Variants in ZNF431 observed in about 807,000 individuals in gnomAD.
The protein encoded by ZNF431 is zinc finger protein 431.
ZNF431 carries 34 observed loss-of-function variants against 57.0 expected under a neutral mutation model. That is an observed-to-expected ratio of 0.60 (90% CI 0.45 to 0.79). The LOEUF (loss-of-function observed/expected upper bound fraction) is 0.79. Among genes scored for constraint, ZNF431 ranks in the 30% least tolerant of loss-of-function variants. The pLI, the probability that ZNF431 is intolerant of heterozygous loss-of-function variation, is 0.00. For synonymous variants in ZNF431, 207 were observed against 220.3 expected (o/e 0.94, Z 0.54); for missense variants, 607 against 667.1 (o/e 0.91, Z 0.99).
chr19:21,167,779 A>G, intron 4 of ZNF431, 113 bp downstream of exon 4: 1 of 576,506 alleles, frequency 1.7e-6, no homozygotes, highest in Non-Finnish European at 2.7e-6. Flanking sequence ...TAAAGCATGT[A>G]GTTTCTGGGA....
At position 21,171,467 on chromosome 19, in the gene ZNF431, A is replaced by G. The variant is rs1970887457; in HGVS notation, c.319+3801A>G. Among the ~76,000 whole-genome samples, 4 of 152,090 alleles carry G rather than the reference A, an allele frequency of 2.6e-5. No individual in the cohort carries two copies. In the South Asian group the frequency reaches 8.3e-4, roughly 32 times the overall value. On this transcript the variant is annotated intron_variant, in intron 4 of 4. Coordinates refer to ENST00000311048, the MANE Select transcript of ZNF431 (RefSeq NM_133473.4). The stretch of plus-strand genomic sequence containing the variant: ...TTAGCCAATTTGCAATTCTGTTTGT[A>G]TACTTTAAGTCAATGTGAGGTGTAA...
rs1971287962 is a variant in ZNF431 at position 21,183,852 on chromosome 19, T to G, written c.1549T>G (p.Cys517Gly). ...TGEKSYKCEE[C>G]GKAFNQSSTL... ...AGAGAAATCTTACAAATGTGAAGAA[T>G]GTGGTAAAGCCTTTAACCAATCCTC... The change falls in exon 5 of 5, where the codon TGT becomes GGT. Residue 517 changes from cysteine (C) to glycine (G), a missense_variant. Coordinates refer to ENST00000311048, the MANE Select transcript of ZNF431 (RefSeq NM_133473.4). 1 of 1,613,822 alleles carries G rather than the reference T, an allele frequency of 6.2e-7. No homozygotes were observed. Among genetic ancestry groups the G allele is most frequent in the African/African-American group, 1.3e-5 (1 of 74,918 alleles).
chr19:21,143,147 C>T (rs946279429), intron 1 of ZNF431, among the ~76,000 whole-genome samples: 2 of 152,038 alleles, frequency 1.3e-5, no homozygotes, highest in Admixed American at 6.5e-5. Flanking sequence ...ACGTTATCGC[C>T]TATTTGTCTT....
At chr19:21,144,547 G>GA (rs1224319658) in intron 2 of ZNF431, among the ~76,000 whole-genome samples, 4 of 151,594 alleles carry the variant, frequency 2.6e-5, no homozygotes, top group African/African-American at 9.7e-5. Context: ...GTGGGTTTTA[G>GA]AAAAAAAATT....
Position 21,183,477 on chromosome 19 carries a change from A to G in ZNF431, c.1174A>G (p.Arg392Gly). The G allele has an allele frequency of 6.2e-7, 1 of 1,613,878 alleles. No individual in the cohort carries two copies. The highest frequency in any genetic ancestry group is 8.5e-7 in the Non-Finnish European group (1 of 1,179,958). The stretch of plus-strand genomic sequence containing the variant: ...GTCCTCAACCCTTACTAAACATAAA[A>G]GAATTCATACTGGAGAGAAACCCTA... The part of the protein sequence containing the change: ...NWSSTLTKHK[R>G]IHTGEKPYKC... Residue 392 changes from arginine (R) to glycine (G), a missense_variant, in exon 5 of 5, where the codon AGA (arginine) becomes GGA (glycine). Physicochemically the swap from Arg to Gly is moderately radical, Grantham distance 125 (BLOSUM62 -2). Coordinates refer to ENST00000311048, the MANE Select transcript of ZNF431 (RefSeq NM_133473.4).
Position 21,193,314 on chromosome 19 carries a change from A to T in ZNF431, c.*9280A>T, listed in dbSNP as rs1971543387. Reference sequence around the variant, plus strand: ...AAGGCCGAGGTGGGCGGGTCACCTGAGGTCGGGAGTTTGAGACCAGCCTGC... The same window carrying T: ...AAGGCCGAGGTGGGCGGGTCACCTGTGGTCGGGAGTTTGAGACCAGCCTGC... On this transcript the variant is annotated 3_prime_UTR_variant, in exon 5 of 5. Coordinates refer to ENST00000311048, the MANE Select transcript of ZNF431 (RefSeq NM_133473.4). The T allele has an allele frequency of 6.6e-6, 1 of 152,230 alleles. No homozygotes were observed. Among genetic ancestry groups the T allele is most frequent in the East Asian group, 1.9e-4 (1 of 5,182 alleles). 9.4% of individuals were successfully genotyped at this position (152,230 alleles called of 1,614,324 possible).
At chr19:21,163,611 C>T (rs1331971817) in intron 2 of ZNF431, among the ~76,000 whole-genome samples, 2 of 152,064 alleles carry the variant, frequency 1.3e-5, no homozygotes, top group African/African-American at 4.8e-5. Flanking sequence ...AACCTCTGCC[C>T]TCTGGGTTTA....
At chr19:21,161,405 C>G (rs1970561666) in intron 2 of ZNF431, among the ~76,000 whole-genome samples, 1 of 152,000 alleles carries the variant, frequency 6.6e-6, no homozygotes, top group African/African-American at 2.4e-5. Flanking sequence ...ATTCGTGTTT[C>G]TTTTACCTTG....
At chr19:21,148,470 A>G (rs1238952904) in intron 2 of ZNF431, among the ~76,000 whole-genome samples, 1 of 152,198 alleles carries the variant, frequency 6.6e-6, no homozygotes, top group East Asian at 1.9e-4. Context: ...AATAATACCT[A>G]TTTAACTTTA....
chr19:21,194,951 T>C lies in ZNF431; in HGVS notation c.*10917T>C, dbSNP rs1197716257. The C allele has an allele frequency of 6.6e-6, 1 of 152,224 alleles. No individual in the cohort carries two copies. The highest frequency in any genetic ancestry group is 1.5e-5 in the Non-Finnish European group (1 of 68,056). The allele number at this position is 152,224 out of a possible 1,614,324, so 9.4% of individuals were successfully genotyped here. A position where few individuals can be genotyped will look rare whatever the true frequency, so the allele number is the denominator to read the frequency against. Reference sequence around the variant, plus strand: ...AGCAGAGTTATCAGGGAGGTGGGACTATTGCTTTATGAACGTGATGATTGG... The same window carrying C: ...AGCAGAGTTATCAGGGAGGTGGGACCATTGCTTTATGAACGTGATGATTGG... On this transcript the variant is annotated 3_prime_UTR_variant, in exon 5 of 5. Coordinates refer to ENST00000311048, the MANE Select transcript of ZNF431 (RefSeq NM_133473.4).
intron 2 of ZNF431, among the ~76,000 whole-genome samples, chr19:21,148,615 A>G (rs1970175751): frequency 6.6e-6 from 1 of 152,216 alleles, no homozygotes; most frequent in Non-Finnish European, 1.5e-5. Context: ...AAAAAAATCC[A>G]CATTTCCATG....
chr19:21,179,785 C>T (rs1470642500), intron 4 of ZNF431, among the ~76,000 whole-genome samples: 1 of 150,900 alleles, frequency 6.6e-6, no homozygotes, highest in Non-Finnish European at 1.5e-5. Context: ...GTCTCGAACT[C>T]CCGACCTCAG....
intron 2 of ZNF431, among the ~76,000 whole-genome samples, chr19:21,146,221 T>A (rs1186887275): frequency 6.6e-6 from 1 of 151,718 alleles, no homozygotes; most frequent in Admixed American, 6.6e-5. Flanking sequence ...ACCAGCCTGA[T>A]CAACATGGTG....
In ZNF431 at chr19:21,192,359, G is replaced by C. The variant is rs527698988; in HGVS notation, c.*8325G>C. ...AATTTTTTTATTTCTATAGAGATGG[G>C]GTTTCCCTACGTTGGCCAGACTGGT... On this transcript the variant is annotated 3_prime_UTR_variant, in exon 5 of 5. Coordinates refer to ENST00000311048, the MANE Select transcript of ZNF431 (RefSeq NM_133473.4). 9.9e-5 allele frequency: 15 copies of C among 151,834 alleles called. No homozygotes were observed. The highest frequency in any genetic ancestry group is 3.6e-4 in the African/African-American group (15 of 41,320). The allele number at this position is 151,834 out of a possible 1,614,324, so 9.4% of individuals were successfully genotyped here.
intron 4 of ZNF431, among the ~76,000 whole-genome samples, chr19:21,176,896 C>T (rs1971069413): frequency 6.6e-6 from 1 of 152,020 alleles, no homozygotes; most frequent in Non-Finnish European, 1.5e-5. Flanking sequence ...GGGGTTTCAC[C>T]ATCTTAGCCA....
chr19:21,166,184 T>G, intron 2 of ZNF431, 151 bp from the exon 3 acceptor site: 1 of 1,255,808 alleles, frequency 8.0e-7, no homozygotes, highest in Non-Finnish European at 1.1e-6. Flanking sequence ...TAGAAAATAT[T>G]TCTGTGTTAA....
At chr19:21,155,133 C>G (rs895198138) in intron 2 of ZNF431, among the ~76,000 whole-genome samples, 19 of 152,256 alleles carry the variant, frequency 1.2e-4, no homozygotes, top group African/African-American at 4.6e-4. Context: ...AGATTTTCTT[C>G]TAGGGTTTTT....
In ZNF431 at chr19:21,176,580, A is replaced by G. The variant is rs141383740; in HGVS notation, c.320-6043A>G. The stretch of plus-strand genomic sequence containing the variant: ...TTAATGGGGTTGTGTAATTCTTGTA[A>G]ATTTGTTTAAATTCTTTGTAGACTC... On this transcript the variant is annotated intron_variant, in intron 4 of 4. Transcript: ENST00000311048. Among the ~76,000 whole-genome samples, 39 of 151,910 alleles carry G rather than the reference A, an allele frequency of 2.6e-4. No homozygotes were observed. In the East Asian group the frequency reaches 7.6e-3, roughly 30 times the overall value.
rs1003062067 is a variant in ZNF431 at position 21,190,516 on chromosome 19, G to C, written c.*6482G>C. On this transcript the variant is annotated 3_prime_UTR_variant, in exon 5 of 5. Transcript: ENST00000311048. ...CTTTTTTCTTTTTCTTTTAATAAGA[G>C]TTATTCTAACAGGAATGAGTTGATA... 1 of 151,494 alleles carries C rather than the reference G, an allele frequency of 6.6e-6. No homozygotes were observed. Among genetic ancestry groups the C allele is most frequent in the Non-Finnish European group, 1.5e-5 (1 of 67,896 alleles). The allele number at this position is 151,494 out of a possible 1,614,324, so 9.4% of individuals were successfully genotyped here. A position where few individuals can be genotyped will look rare whatever the true frequency, so the allele number is the denominator to read the frequency against.
Sources: gnomAD v4.1 joint callset for allele counts (sites outside exome capture counted in the v4.1 genomes callset) on GRCh38, gnomAD v4.1.1 for gene constraint, MANE v1.5 for transcripts, NCBI Gene and HGNC (gene_info 2026-07-23, HGNC 2026-07-21) for gene names.